POM121C: variants seen among roughly 807,000 people sequenced by gnomAD.
POM121C encodes nuclear envelope pore membrane protein POM 121C.
A neutral mutation model predicts 66.4 loss-of-function variants in POM121C; 20 were observed. That is an observed-to-expected ratio of 0.30 (90% confidence interval 0.21 to 0.44). POM121C has a LOEUF of 0.44. POM121C is among the 20% of genes least tolerant of loss of function. The pLI is 1.00. For missense variants in POM121C, 580 were observed against 1,225.7 expected (o/e 0.47, Z 7.87); for synonymous variants, 286 against 528.0 (o/e 0.54, Z 6.28).
intron 3 of POM121C, among the ~76,000 whole-genome samples, chr7:75,470,793 T>C (rs1554478534): frequency 1.3e-5 from 2 of 152,032 alleles, no homozygotes; most frequent in Admixed American, 6.6e-5. Context: ...CCACCACTTC[T>C]GGCTAATTTT....
rs1467786939 is a variant in POM121C, at chr7:75,417,654, G to A, written c.*1142C>T. 12 of 985,518 alleles carry A rather than the reference G, an allele frequency of 1.2e-5. No individual in the cohort carries two copies. The highest frequency in any genetic ancestry group is 1.1e-4 in the East Asian group (1 of 8,826). 61.0% of individuals were successfully genotyped at this position (985,518 alleles called of 1,614,324 possible). A position where few individuals can be genotyped will look rare whatever the true frequency, so the allele number is the denominator to read the frequency against. Reference sequence around the variant, plus strand: ...TTTTCTAACATCTACTTTGGGTGACGTAGCCTCCAGTGAGGTCAGTTAAGT... The same window carrying A: ...TTTTCTAACATCTACTTTGGGTGACATAGCCTCCAGTGAGGTCAGTTAAGT... On this transcript the variant is annotated 3_prime_UTR_variant, in exon 15 of 15. Coordinates refer to ENST00000615331, the MANE Select transcript of POM121C (RefSeq NM_001099415.3).
At chr7:75,454,556 G>C (rs1554476094) in intron 3 of POM121C, among the ~76,000 whole-genome samples, 2 of 152,194 alleles carry the variant, frequency 1.3e-5, no homozygotes, top group African/African-American at 2.4e-5. Context: ...ACAGAGGCTG[G>C]AGAGGACAAT....
At position 75,476,987 on chromosome 7, in the gene POM121C, CTTCA is replaced by C. The variant is rs200595126; in HGVS notation, c.-457-1803_-457-1800del. Among the ~76,000 whole-genome samples the C allele has an allele frequency of 7.5e-3, 1,136 of 152,118 alleles. 12 individuals are homozygous for C. The highest frequency in any genetic ancestry group is 0.026 in the African/African-American group (1,063 of 41,486). On this transcript the variant is annotated intron_variant, in intron 1 of 14. Transcript: ENST00000615331. ...TAAAGAAAATAGAAACTGATGGATA[CTTCA>C]TTAACATCAATATTATATACACAAA...
chr7:75,467,860 T>C (rs1176331124), intron 3 of POM121C, among the ~76,000 whole-genome samples: 2 of 152,048 alleles, frequency 1.3e-5, no homozygotes, highest in Non-Finnish European at 2.9e-5. Context: ...CCGGGCACTG[T>C]GGCTCATGCC....
chr7:75,437,636 A>C lies in POM121C; in HGVS notation c.359T>G (p.Leu120Trp). The C allele has an allele frequency of 1.2e-6, 2 of 1,613,944 alleles. No homozygotes were observed. Among genetic ancestry groups the C allele is most frequent in the Non-Finnish European group, 1.7e-6 (2 of 1,179,838 alleles). ...GGAAGAGCTTCGGGATCTCTTATTC[A>C]AGTGGTCATCTGAGCTCTGAGAATT... is the stretch of plus-strand genomic sequence containing the variant. ...GLNSQSSDDH[L>W]NKRSRSSSMS... is the part of the protein sequence containing the mutation. The change falls in exon 7 of 15, where the codon TTG (leucine) becomes TGG (tryptophan). Residue 120 changes from leucine to tryptophan, a missense_variant. Leu to Trp is a moderately conservative substitution (Grantham distance 61). Coordinates refer to ENST00000615331, the MANE Select transcript of POM121C (RefSeq NM_001099415.3).
In POM121C at chr7:75,421,602, C is replaced by T; in HGVS notation, c.2650G>A (p.Gly884Ser). 1 of 1,613,474 alleles carries T rather than the reference C, an allele frequency of 6.2e-7. No individual in the cohort carries two copies. Among genetic ancestry groups the T allele is most frequent in the Non-Finnish European group, 8.5e-7 (1 of 1,179,792 alleles). ...GTGCCCAGGGCGTTCTGACCTAAGC[C>T]CCCTGTGAAGGGGGTGGAGGTGGCT... ...STATSTPFTG[G>S]LGQNALGTTG... Residue 884 changes from glycine (G) to serine (S), a missense_variant, in exon 13 of 15, where the codon GGC becomes AGC. Transcript: ENST00000615331.
intron 1 of POM121C, among the ~76,000 whole-genome samples, chr7:75,477,110 T>TACACACACACACACACACACACAC (rs57918412): frequency 7.1e-6 from 1 of 140,684 alleles, no homozygotes; most frequent in East Asian, 2.2e-4. Flanking sequence ...TTTGCGTGTA[T>TACACACACACACACACACACACAC]ACACACACAC....
At chr7:75,420,936 G>C (rs1789680964) in intron 13 of POM121C, 1 of 165,098 alleles carries the variant, frequency 6.1e-6, no homozygotes, top group Non-Finnish European at 1.3e-5. Context: ...GGCCTGAAAG[G>C]CATGTCCACT....
chr7:75,432,001 G>A (rs1416692964), intron 7 of POM121C, among the ~76,000 whole-genome samples: 3 of 151,920 alleles, frequency 2.0e-5, no homozygotes, highest in African/African-American at 7.3e-5. Flanking sequence ...CCAATATAGT[G>A]AAACCTTGTC....
chr7:75,481,302 A>G (rs587701423), intron 1 of POM121C, among the ~76,000 whole-genome samples: 1 of 151,616 alleles, frequency 6.6e-6, no homozygotes, highest in East Asian at 1.9e-4. Context: ...AATATATTTC[A>G]AAAGGACTCA....
intron 7 of POM121C, among the ~76,000 whole-genome samples, chr7:75,435,630 T>C (rs1332929596): frequency 3.3e-5 from 5 of 152,198 alleles, no homozygotes; most frequent in Non-Finnish European, 4.4e-5. Context: ...CTTTAAAACA[T>C]GATATATTGA....
chr7:75,439,131 G>C lies in POM121C; in HGVS notation c.308+13C>G. The C allele has an allele frequency of 1.2e-6, 2 of 1,613,970 alleles. No homozygotes were observed. Among genetic ancestry groups the C allele is most frequent in the Non-Finnish European group, 1.7e-6 (2 of 1,179,814 alleles). On this transcript the variant is annotated intron_variant, in intron 6 of 14. Coordinates refer to ENST00000615331, the MANE Select transcript of POM121C (RefSeq NM_001099415.3). ...AAACAGTTGGTATTTCATCTGGATG[G>C]ACTCGCACTTACTTAGGCACAAAAG...
intron 3 of POM121C, among the ~76,000 whole-genome samples, chr7:75,448,037 AAACC>A (rs1181409021): frequency 6.6e-6 from 1 of 151,390 alleles, no homozygotes; most frequent in East Asian, 1.9e-4. Flanking sequence ...AAAAAAAAAA[AAACC>A]AACCAAACAA....
At position 75,418,262 on chromosome 7, in the gene POM121C, G is replaced by C. The variant is rs1257207739; in HGVS notation, c.*534C>G. On this transcript the variant is annotated 3_prime_UTR_variant, in exon 15 of 15. Transcript: ENST00000615331. The stretch of plus-strand genomic sequence containing the variant: ...ATTTAAAAAGGAGGGAATCCTGCAA[G>C]GAACCGGTGAGGGACACAGCAGCAA... The C allele has an allele frequency of 1.0e-6, 1 of 976,062 alleles. No homozygotes were observed. Among genetic ancestry groups the C allele is most frequent in the East Asian group, 1.1e-4 (1 of 8,760 alleles). The allele number at this position is 976,062 out of a possible 1,614,324, so 60.5% of individuals were successfully genotyped here.
chr7:75,417,927 A>C lies in POM121C; in HGVS notation c.*869T>G, dbSNP rs1789536223. 1 of 985,376 alleles carries C rather than the reference A, an allele frequency of 1.0e-6. No homozygotes were observed. The highest frequency in any genetic ancestry group is 1.7e-5 in the African/African-American group (1 of 57,218). The allele number at this position is 985,376 out of a possible 1,614,324, so 61.0% of individuals were successfully genotyped here. A position where few individuals can be genotyped will look rare whatever the true frequency, so the allele number is the denominator to read the frequency against. ...CCAAACTCGATTCAAAGAGCAATAC[A>C]CAGAGCGTCAGACAAAGGAACACAG... On this transcript the variant is annotated 3_prime_UTR_variant, in exon 15 of 15. Transcript: ENST00000615331.
Position 75,424,551 on chromosome 7 carries a change from G to T in POM121C, c.846C>A (p.Phe282Leu), listed in dbSNP as rs1554471425. ...DLEKKASLQW[F>L]NQALEDKSDA... ...CACTCTTGTCCTCCAAGGCCTGGTTGAACCACTGTAATGAAGCCTTCTTCT... is the reference window on the plus strand; with the variant it reads ...CACTCTTGTCCTCCAAGGCCTGGTTTAACCACTGTAATGAAGCCTTCTTCT... The change falls in exon 11 of 15, where the codon TTC (phenylalanine) becomes TTA (leucine). Residue 282 changes from phenylalanine (F) to leucine (L), a missense_variant. Phe to Leu is a conservative substitution (Grantham distance 22). Coordinates refer to ENST00000615331, the MANE Select transcript of POM121C (RefSeq NM_001099415.3). 61 of 1,613,872 alleles carry T rather than the reference G, an allele frequency of 3.8e-5. No individual in the cohort carries two copies. The highest frequency in any genetic ancestry group is 5.0e-5 in the Non-Finnish European group (59 of 1,179,858).
In POM121C at chr7:75,418,544, G is replaced by T; in HGVS notation, c.*252C>A. ...CTATGTACAGGTCCTTAGTTCTCCAGCCTCCCCAGTGGAACTGTTCAAGTA... is the reference window on the plus strand; with the variant it reads ...CTATGTACAGGTCCTTAGTTCTCCATCCTCCCCAGTGGAACTGTTCAAGTA... On this transcript the variant is annotated 3_prime_UTR_variant, in exon 15 of 15. Coordinates refer to ENST00000615331, the MANE Select transcript of POM121C (RefSeq NM_001099415.3). 1 of 1,294,970 alleles carries T rather than the reference G, an allele frequency of 7.7e-7. No individual in the cohort carries two copies. The highest frequency in any genetic ancestry group is 2.0e-5 in the South Asian group (1 of 51,126). The allele number at this position is 1,294,970 out of a possible 1,614,324, so 80.2% of individuals were successfully genotyped here.
intron 1 of POM121C, among the ~76,000 whole-genome samples, chr7:75,483,827 T>G (rs1183733621): frequency 6.6e-5 from 10 of 152,024 alleles, no homozygotes; most frequent in East Asian, 2.0e-4. Context: ...CTGGCTGGGC[T>G]CGGTGGCTCA....
At chr7:75,484,813 A>G (rs1554480636) in intron 1 of POM121C, among the ~76,000 whole-genome samples, 1 of 152,168 alleles carries the variant, frequency 6.6e-6, no homozygotes, top group Non-Finnish European at 1.5e-5. Context: ...ACAAGGCGCA[A>G]AAAGAAAAAA....
Sources: allele counts gnomAD v4.1 joint callset (sites outside exome capture counted in the v4.1 genomes callset), GRCh38; gene constraint gnomAD v4.1.1; transcripts MANE v1.5; gene names NCBI Gene and HGNC (gene_info 2026-07-23, HGNC 2026-07-21).